Variants in SCN8A observed in about 807,000 individuals in gnomAD.
SCN8A encodes the protein sodium channel protein type 8 subunit alpha.
Under a neutral mutation model 184.1 loss-of-function variants are expected in SCN8A, and 30 were observed. That is an observed-to-expected ratio of 0.16 (90% CI 0.12 to 0.22). The LOEUF (loss-of-function observed/expected upper bound fraction) is 0.22, where lower values mean the gene tolerates loss of function less well. SCN8A is among the 10% of genes least tolerant of loss of function. SCN8A has a pLI of 1.00. For synonymous variants in SCN8A, 852 were observed against 907.0 expected, an observed-to-expected ratio of 0.94 and a Z score of 1.09; for missense variants, 1,057 against 2,498.9, an observed-to-expected ratio of 0.42 and a Z score of 12.30.
Position 51,810,640 on chromosome 12 carries a change from T to C in SCN8A, c.*3211T>C. ...AAAAAGGACAAAAAGCAAAAAGATG[T>C]GTGATGCTGTTAATAATTTAAAATG... On this transcript the variant is annotated 3_prime_UTR_variant, in exon 27 of 27. Coordinates refer to ENST00000627620, the MANE Select transcript of SCN8A (RefSeq NM_001330260.2). 1 of 153,898 alleles carries C rather than the reference T, an allele frequency of 6.5e-6. No individual in the cohort carries two copies. The highest frequency in any genetic ancestry group is 1.4e-5 in the Non-Finnish European group (1 of 69,306). 9.5% of individuals were successfully genotyped at this position (153,898 alleles called of 1,614,324 possible).
chr12:51,673,353 G>C (rs1293343731), intron 2 of SCN8A, among the ~76,000 whole-genome samples: 3 of 152,172 alleles, frequency 2.0e-5, no homozygotes. Context: ...GTGGATTTTG[G>C]TATCCCTGGG....
At position 51,807,584 on chromosome 12, in the gene SCN8A, A is replaced by G; in HGVS notation, c.*155A>G. 2.5e-6 allele frequency: 2 copies of G among 810,748 alleles called. No homozygotes were observed. Among genetic ancestry groups the G allele is most frequent in the Non-Finnish European group, 3.9e-6 (2 of 509,228 alleles). 50.2% of individuals were successfully genotyped at this position (810,748 alleles called of 1,614,324 possible). A position where few individuals can be genotyped will look rare whatever the true frequency, so the allele number is the denominator to read the frequency against. On this transcript the variant is annotated 3_prime_UTR_variant, in exon 27 of 27. Transcript: ENST00000627620. This position sits in a 1 kb window ranked among gnomAD's most constrained non-coding sequence, Gnocchi z 4.5. Reference sequence around the variant, plus strand: ...TCTGCTTACCACGTAACACAGCTGCATCTTGAGCAGTGACCTGCCAAGGGC... The same window carrying G: ...TCTGCTTACCACGTAACACAGCTGCGTCTTGAGCAGTGACCTGCCAAGGGC...
intron 26 of SCN8A, among the ~76,000 whole-genome samples, chr12:51,797,941 G>A (rs951171772): frequency 6.6e-6 from 1 of 152,142 alleles, no homozygotes; most frequent in African/African-American, 2.4e-5. Context: ...GGAACAGGAG[G>A]CAAAAATTTT....
In SCN8A at chr12:51,751,692, A is replaced by G. The variant is rs182465806; in HGVS notation, c.2370+99A>G. ...GAAAGCTGGAGTTTCTTTGAAAAGA[A>G]AGTAATAGTTAATTGGAAGACAAAT... On this transcript the variant is annotated intron_variant, in intron 14 of 26. Transcript: ENST00000627620. 751 of 879,006 alleles carry G rather than the reference A, an allele frequency of 8.5e-4. 12 individuals are homozygous for G. In the Admixed American group the frequency reaches 0.018, roughly 21 times the overall value. The allele number at this position is 879,006 out of a possible 1,614,324, so 54.5% of individuals were successfully genotyped here. A position where few individuals can be genotyped will look rare whatever the true frequency, so the allele number is the denominator to read the frequency against.
At chr12:51,604,123 A>G (rs765813382) in intron 1 of SCN8A, among the ~76,000 whole-genome samples, 5 of 152,138 alleles carry the variant, frequency 3.3e-5, no homozygotes, top group African/African-American at 4.8e-5. Flanking sequence ...TTGATGTCAT[A>G]TATAAGAACT....
At chr12:51,650,391 T>G (rs1168470812) in intron 1 of SCN8A, among the ~76,000 whole-genome samples, 1 of 152,226 alleles carries the variant, frequency 6.6e-6, no homozygotes, top group Admixed American at 6.5e-5. Flanking sequence ...TTAGTCCGTT[T>G]TCATGCTGCT....
intron 1 of SCN8A, among the ~76,000 whole-genome samples, chr12:51,607,609 T>C (rs928581003): frequency 6.6e-6 from 1 of 152,234 alleles, no homozygotes; most frequent in African/African-American, 2.4e-5. Flanking sequence ...GTCCCTTGTA[T>C]GCCGATTTTG....
chr12:51,762,368 A>G, intron 14 of SCN8A, 135 bp from the exon 15 acceptor site: 2 of 780,912 alleles, frequency 2.6e-6, no homozygotes, highest in Middle Eastern at 2.6e-4. Flanking sequence ...ACATCCAGGT[A>G]TTGATATCTT....
At chr12:51,668,117 A>T (rs1375971364) in intron 2 of SCN8A, among the ~76,000 whole-genome samples, 2 of 150,650 alleles carry the variant, frequency 1.3e-5, no homozygotes, top group Non-Finnish European at 2.9e-5. Flanking sequence ...CGGGAGGTGG[A>T]GGTTGTGGTG....
intron 1 of SCN8A, among the ~76,000 whole-genome samples, chr12:51,629,111 A>G (rs1316734239): frequency 7.2e-5 from 11 of 152,240 alleles, no homozygotes; most frequent in Non-Finnish European, 1.6e-4. Flanking sequence ...GAAAGCTCGT[A>G]GAGGCAAATT....
At chr12:51,786,859 T>A in intron 22 of SCN8A, 33 bp downstream of exon 22, 1 of 1,583,100 alleles carries the variant, frequency 6.3e-7, no homozygotes, top group Non-Finnish European at 8.6e-7. Flanking sequence ...TTTTTTCAGT[T>A]CTGTGAAATT....
At chr12:51,695,346 A>G (rs1360420242) in intron 6 of SCN8A, among the ~76,000 whole-genome samples, 2 of 152,196 alleles carry the variant, frequency 1.3e-5, no homozygotes, top group Non-Finnish European at 1.5e-5. Flanking sequence ...GTGTCTTTTT[A>G]GCTTCCTTGA....
At chr12:51,666,996 A>G (rs1941045623) in intron 2 of SCN8A, among the ~76,000 whole-genome samples, 1 of 152,160 alleles carries the variant, frequency 6.6e-6, no homozygotes, top group Non-Finnish European at 1.5e-5. Flanking sequence ...GTCTCTTGGT[A>G]CTTCGTTCTA....
intron 24 of SCN8A, 85 bp from the exon 25 acceptor site, chr12:51,790,313 A>C: frequency 4.7e-6 from 4 of 856,886 alleles, no homozygotes; most frequent in South Asian, 3.5e-5. Context: ...GTCTCCCCTC[A>C]GTTCTCAGTA....
intron 1 of SCN8A, among the ~76,000 whole-genome samples, chr12:51,659,868 T>C (rs1429603134): frequency 6.6e-6 from 1 of 152,094 alleles, no homozygotes; most frequent in Non-Finnish European, 1.5e-5. Flanking sequence ...GGTCCAGAAA[T>C]AAGAAAGCCA....
At chr12:51,654,723 G>A (rs1413233269) in intron 1 of SCN8A, among the ~76,000 whole-genome samples, 2 of 151,938 alleles carry the variant, frequency 1.3e-5, no homozygotes, top group Admixed American at 6.6e-5. Flanking sequence ...AGTTGACCAG[G>A]CTGGCCTTGA....
Position 51,649,100 on chromosome 12 carries a change from G to A in SCN8A, c.-54-13664G>A, listed in dbSNP as rs527645926. Among the ~76,000 whole-genome samples, 268 of 152,272 alleles carry A rather than the reference G, an allele frequency of 1.8e-3. 1 individual carries two copies. The highest frequency in any genetic ancestry group is 6.1e-3 in the African/African-American group (255 of 41,552). On this transcript the variant is annotated intron_variant, in intron 1 of 26. Transcript: ENST00000627620. ...GGCCCATGCAAGTCCGAAATCCAGC[G>A]GGGCAGTCAAATTTTAAAGCTCCCA...
chr12:51,687,278 C>A (rs979143530), intron 5 of SCN8A, 59 bp downstream of exon 5: 72 of 1,592,688 alleles, frequency 4.5e-5, no homozygotes, highest in Non-Finnish European at 6.0e-5. Flanking sequence ...TGGAGTTGTA[C>A]TCCTGGGTCT....
chr12:51,757,960 A>G (rs1456936968), intron 14 of SCN8A, among the ~76,000 whole-genome samples: 1 of 152,242 alleles, frequency 6.6e-6, no homozygotes, highest in African/African-American at 2.4e-5. Flanking sequence ...GTTTGAAATT[A>G]AAACTGAGAA....
Sources: gnomAD v4.1 joint callset for allele counts (sites outside exome capture counted in the v4.1 genomes callset) on GRCh38, gnomAD v4.1.1 for gene constraint, Gnocchi (gnomAD v3.1) non-coding constraint, MANE v1.5 for transcripts, NCBI Gene and HGNC (gene_info 2026-07-23, HGNC 2026-07-21) for gene names.